NRM: variants seen among roughly 807,000 people sequenced by gnomAD.
NRM encodes nuclear rim protein.
Under a neutral mutation model 23.4 loss-of-function variants are expected in NRM, and 19 were observed. The ratio of observed to expected loss-of-function variants is 0.81; its 90% confidence interval spans 0.57 to 1.19. NRM has a LOEUF of 1.19. NRM is among the 50% of genes most tolerant of loss of function. The pLI, the probability that NRM is intolerant of heterozygous loss-of-function variation, is 0.00. For synonymous variants in NRM, 140 were observed against 143.5 expected (o/e 0.98, Z 0.17); for missense variants, 232 against 329.7 (o/e 0.70, Z 2.30).
In NRM at chr6:30,688,695, A is replaced by G; in HGVS notation, c.755T>C (p.Leu252Pro). The G allele has an allele frequency of 6.2e-7, 1 of 1,613,968 alleles. No individual in the cohort carries two copies. ...LRAQLQRKLH[L>P]LSRPQDGEAE is the part of the protein sequence containing the mutation. The stretch of plus-strand genomic sequence containing the variant: ...CTCCCCATCCTGGGGCCGAGAGAGC[A>G]GGTGGAGTTTTCTTTGTAGCTGGGC... Residue 252 changes from leucine (L) to proline (P), a missense_variant, in exon 4 of 4, where the codon CTG becomes CCG. Leu to Pro is a moderately conservative substitution (Grantham distance 98). Transcript: ENST00000376421. The surrounding 1 kb of genome is among the most constrained non-coding windows in gnomAD (Gnocchi z 5.9).
At position 30,688,436 on chromosome 6, in the gene NRM, C is replaced by A; in HGVS notation, c.*225G>T. 1.7e-6 allele frequency: 1 copy of A among 603,550 alleles called. No homozygotes were observed. The highest frequency in any genetic ancestry group is 2.0e-5 in the South Asian group (1 of 49,076). 37.4% of individuals were successfully genotyped at this position (603,550 alleles called of 1,614,324 possible). ...TGAAGGGACAGATGACTTCCATACCCCACTCTTCCTTGCTGGTGAGAAGTG... is the reference window on the plus strand; with the variant it reads ...TGAAGGGACAGATGACTTCCATACCACACTCTTCCTTGCTGGTGAGAAGTG... On this transcript the variant is annotated 3_prime_UTR_variant, in exon 4 of 4. Transcript: ENST00000376421. The surrounding 1 kb of genome is among the most constrained non-coding windows in gnomAD (Gnocchi z 5.9).
chr6:30,689,309 G>A lies in NRM; in HGVS notation c.474C>T (p.Val158=). ...SWLLIFSILL[V]FDYAELMGLK... is the part of the protein sequence containing the mutation. ...GGCCCATGAGCTCAGCATAGTCAAA[G>A]ACGAGAAGGATGCTAAAGATGAGGA... The change falls in exon 3 of 4, where the codon GTC becomes GTT. Residue 158 remains valine (V), a synonymous_variant. Coordinates refer to ENST00000376421, the MANE Select transcript of NRM (RefSeq NM_001384369.1). This position sits in a 1 kb window ranked among gnomAD's most constrained non-coding sequence, Gnocchi z 4.7. 2 of 1,554,830 alleles carry A rather than the reference G, an allele frequency of 1.3e-6. No homozygotes were observed. Among genetic ancestry groups the A allele is most frequent in the Non-Finnish European group, 1.7e-6 (2 of 1,148,620 alleles).
upstream of NRM, chr6:30,691,061 C>T: frequency 6.8e-7 from 1 of 1,480,576 alleles, no homozygotes; most frequent in Non-Finnish European, 9.1e-7. Flanking sequence ...CCGGCTGAAT[C>T]CAGCCCAGGA....
In NRM at chr6:30,689,511, C is replaced by G; in HGVS notation, c.331-59G>C. ...GCCTAGTCTGCCCGACCTTGGGAGA[C>G]CCAGACCCAGATCTGCCCCCACCAC... On this transcript the variant is annotated intron_variant, in intron 2 of 3. Coordinates refer to ENST00000376421, the MANE Select transcript of NRM (RefSeq NM_001384369.1). The surrounding 1 kb of genome is among the most constrained non-coding windows in gnomAD (Gnocchi z 4.7). 1 of 1,475,560 alleles carries G rather than the reference C, an allele frequency of 6.8e-7. No homozygotes were observed. Among genetic ancestry groups the G allele is most frequent in the Non-Finnish European group, 9.0e-7 (1 of 1,106,116 alleles). The allele number at this position is 1,475,560 out of a possible 1,614,324, so 91.4% of individuals were successfully genotyped here. A position where few individuals can be genotyped will look rare whatever the true frequency, so the allele number is the denominator to read the frequency against.
Position 30,688,613 on chromosome 6 carries a change from G to T in NRM, c.*48C>A, listed in dbSNP as rs1771198333. The T allele has an allele frequency of 1.9e-6, 3 of 1,584,960 alleles. No individual in the cohort carries two copies. The highest frequency in any genetic ancestry group is 2.6e-6 in the Non-Finnish European group (3 of 1,164,100). ...CCAGGGCCTGGATGTTAAGGATTTA[G>T]AATTCAGTGGGAGAGGAAGAACAGG... On this transcript the variant is annotated 3_prime_UTR_variant, in exon 4 of 4. Transcript: ENST00000376421. This position sits in a 1 kb window ranked among gnomAD's most constrained non-coding sequence, Gnocchi z 5.9.
In NRM at chr6:30,689,129, T is replaced by C. The variant is rs766563574; in HGVS notation, c.507+147A>G. On this transcript the variant is annotated intron_variant, in intron 3 of 3. Coordinates refer to ENST00000376421, the MANE Select transcript of NRM (RefSeq NM_001384369.1). This position sits in a 1 kb window ranked among gnomAD's most constrained non-coding sequence, Gnocchi z 4.7. ...CCAGGCCCAGGAGGCCCATGCTTGC[T>C]GCCCTTACGAGGGAAAGTCAAAGGG... is the stretch of plus-strand genomic sequence containing the variant. The C allele has an allele frequency of 1.9e-6, 2 of 1,067,596 alleles. No individual in the cohort carries two copies. The highest frequency in any genetic ancestry group is 2.6e-6 in the Non-Finnish European group (2 of 757,044). The allele number at this position is 1,067,596 out of a possible 1,614,324, so 66.1% of individuals were successfully genotyped here.
At position 30,690,428 on chromosome 6, in the gene NRM, T is replaced by G; in HGVS notation, c.134-185A>C. ...TAGTTTCTGCCCTCTTCCCTAGGCC[T>G]CCTGCAAACCTGGGGAAGAGGATTT... is the stretch of plus-strand genomic sequence containing the variant. On this transcript the variant is annotated intron_variant, in intron 1 of 3. Coordinates refer to ENST00000376421, the MANE Select transcript of NRM (RefSeq NM_001384369.1). The surrounding 1 kb of genome is among the most constrained non-coding windows in gnomAD (Gnocchi z 5.5). 8.7e-7 allele frequency: 1 copy of G among 1,148,068 alleles called. No homozygotes were observed. The allele number at this position is 1,148,068 out of a possible 1,614,324, so 71.1% of individuals were successfully genotyped here.
rs530922089 is a variant in NRM at position 30,688,318 on chromosome 6, G to A, written c.*343C>T. On this transcript the variant is annotated 3_prime_UTR_variant, in exon 4 of 4. Transcript: ENST00000376421. The surrounding 1 kb of genome is among the most constrained non-coding windows in gnomAD (Gnocchi z 5.9). ...CGGTGCAGAAGGGGACCCCTGAGGC[G>A]CAGAGGCAAGTAACAGTGCCAGGGG... 4.1e-4 allele frequency: 132 copies of A among 322,220 alleles called. No homozygotes were observed. The highest frequency in any genetic ancestry group is 1.7e-3 in the Middle Eastern group (2 of 1,148). The allele number at this position is 322,220 out of a possible 1,614,324, so 20.0% of individuals were successfully genotyped here. A position where few individuals can be genotyped will look rare whatever the true frequency, so the allele number is the denominator to read the frequency against.
Position 30,690,143 on chromosome 6 carries a change from G to T in NRM, c.234C>A (p.Ser78Arg), listed in dbSNP as rs1221064168. The change falls in exon 2 of 4, where the codon AGC (serine) becomes AGA (arginine). Residue 78 changes from serine (S) to arginine (R), a missense_variant. By Grantham distance (110) the Ser-to-Arg change is moderately radical (BLOSUM62 -1). Coordinates refer to ENST00000376421, the MANE Select transcript of NRM (RefSeq NM_001384369.1). The surrounding 1 kb of genome is among the most constrained non-coding windows in gnomAD (Gnocchi z 5.5). ...GLLLLFVGQH[S>R]LMAAERVKAW... ...CCTTCACTCTTTCAGCTGCCATGAGGCTGTGCTGCCCAACAAATAGAAGCA... is the reference window on the plus strand; with the variant it reads ...CCTTCACTCTTTCAGCTGCCATGAGTCTGTGCTGCCCAACAAATAGAAGCA... 2.5e-6 allele frequency: 4 copies of T among 1,612,782 alleles called. No individual in the cohort carries two copies. Among genetic ancestry groups the T allele is most frequent in the Admixed American group, 3.3e-5 (2 of 59,968 alleles).
Position 30,689,224 on chromosome 6 carries a change from G to A in NRM, c.507+52C>T, listed in dbSNP as rs376608952. 9 of 1,483,688 alleles carry A rather than the reference G, an allele frequency of 6.1e-6. No homozygotes were observed. The highest frequency in any genetic ancestry group is 3.8e-5 in the South Asian group (3 of 79,324). 91.9% of individuals were successfully genotyped at this position (1,483,688 alleles called of 1,614,324 possible). A position where few individuals can be genotyped will look rare whatever the true frequency, so the allele number is the denominator to read the frequency against. On this transcript the variant is annotated intron_variant, in intron 3 of 3. Coordinates refer to ENST00000376421, the MANE Select transcript of NRM (RefSeq NM_001384369.1). The surrounding 1 kb of genome is among the most constrained non-coding windows in gnomAD (Gnocchi z 4.7). ...AGGAGGGAAACCCTTGAAAGGGAAC[G>A]AGGAGTTCTAAAATGGGTCAGAGGT...
At position 30,690,071 on chromosome 6, in the gene NRM, C is replaced by G; in HGVS notation, c.306G>C (p.Val102=). ...YFGVLQRSLY[V]ACTALALQLV... ...CCTGCAAGGCCAGGGCAGTGCAGGC[C>G]ACATACAGTGACCTCTGAAGGACCC... is the stretch of plus-strand genomic sequence containing the variant. The change falls in exon 2 of 4, where the codon GTG becomes GTC. Residue 102 remains valine, a synonymous_variant. Coordinates refer to ENST00000376421, the MANE Select transcript of NRM (RefSeq NM_001384369.1). This position sits in a 1 kb window ranked among gnomAD's most constrained non-coding sequence, Gnocchi z 5.5. 6.2e-7 allele frequency: 1 copy of G among 1,612,102 alleles called. No homozygotes were observed. Among genetic ancestry groups the G allele is most frequent in the Non-Finnish European group, 8.5e-7 (1 of 1,179,704 alleles).
In NRM at chr6:30,688,615, A is replaced by G; in HGVS notation, c.*46T>C. The G allele has an allele frequency of 6.3e-7, 1 of 1,587,298 alleles. No homozygotes were observed. Among genetic ancestry groups the G allele is most frequent in the African/African-American group, 1.3e-5 (1 of 74,314 alleles). On this transcript the variant is annotated 3_prime_UTR_variant, in exon 4 of 4. Transcript: ENST00000376421. The surrounding 1 kb of genome is among the most constrained non-coding windows in gnomAD (Gnocchi z 5.9). ...AGGGCCTGGATGTTAAGGATTTAGA[A>G]TTCAGTGGGAGAGGAAGAACAGGGC...
In NRM at chr6:30,690,884, GGGA is replaced by G. The variant is rs754040433; in HGVS notation, c.88_90del (p.Ser30del). 9.3e-6 allele frequency: 15 copies of G among 1,612,970 alleles called. No individual in the cohort carries two copies. Among genetic ancestry groups the G allele is most frequent in the African/African-American group, 1.3e-5 (1 of 74,924 alleles). On this transcript the variant is annotated inframe_deletion, in exon 1 of 4. Coordinates refer to ENST00000376421, the MANE Select transcript of NRM (RefSeq NM_001384369.1). The surrounding 1 kb of genome is among the most constrained non-coding windows in gnomAD (Gnocchi z 5.5). ...GGGATCCCTCCAAGAAGTGGCCGAA[GGGA>G]GGTAAAGCGCACGAACTCCACTCCG...
rs762352891 is a variant in NRM at position 30,688,722 on chromosome 6, C to G, written c.728G>C (p.Arg243Pro). The G allele has an allele frequency of 3.1e-6, 5 of 1,613,764 alleles. No homozygotes were observed. The highest frequency in any genetic ancestry group is 1.3e-5 in the African/African-American group (1 of 74,790). ...GTGGAGTTTTCTTTGTAGCTGGGCC[C>G]GGAGGTAGCGGAGGTCTTGCTGATC... ...GLDQQDLRYL[R>P]AQLQRKLHLL... Residue 243 changes from arginine to proline, a missense_variant, in exon 4 of 4, where the codon CGG (arginine) becomes CCG (proline). By Grantham distance (103) the Arg-to-Pro change is moderately radical. Transcript: ENST00000376421. The surrounding 1 kb of genome is among the most constrained non-coding windows in gnomAD (Gnocchi z 5.9).
rs753275899 is a variant in NRM at position 30,690,791 on chromosome 6, C to T, written c.133+51G>A. The T allele has an allele frequency of 3.1e-6, 5 of 1,612,752 alleles. No individual in the cohort carries two copies. In the African/African-American group the frequency reaches 5.3e-5, roughly 17 times the overall value. On this transcript the variant is annotated intron_variant, in intron 1 of 3. Transcript: ENST00000376421. The surrounding 1 kb of genome is among the most constrained non-coding windows in gnomAD (Gnocchi z 5.5). ...CCAAGCCCCGCCCTCAATCCCTCTC[C>T]TACGGCTCCACCTTCCTCCTCCCAG...
rs201876063 is a variant in NRM, at chr6:30,688,879, G to A, written c.571C>T (p.Leu191Phe). 110 of 1,613,950 alleles carry A rather than the reference G, an allele frequency of 6.8e-5. No individual in the cohort carries two copies. The East Asian group carries it at 2.4e-3, about 35-fold the overall frequency. The change falls in exon 4 of 4, where the codon CTC becomes TTC. Residue 191 changes from leucine (L) to phenylalanine (F), a missense_variant. Leu to Phe is a conservative substitution (Grantham distance 22). Transcript: ENST00000376421. This position sits in a 1 kb window ranked among gnomAD's most constrained non-coding sequence, Gnocchi z 5.9. Reference protein sequence around the residue: ...LALKSPRALRLFSHLRHPVCV... With the variant: ...LALKSPRALRFFSHLRHPVCV... ...ACTGGGTGGCGCAGGTGGGAGAAGA[G>A]TCTGAGAGCCCGGGGAGACTTCAGG...
In NRM at chr6:30,689,327, G is replaced by A. The variant is rs775576669; in HGVS notation, c.456C>T (p.Ile152=). The A allele has an allele frequency of 2.1e-5, 32 of 1,555,870 alleles. No homozygotes were observed. Among genetic ancestry groups the A allele is most frequent in the Non-Finnish European group, 2.6e-5 (30 of 1,149,256 alleles). ...AGTCAAAGACGAGAAGGATGCTAAA[G>A]ATGAGGAGCCAGGAGATGACATGGA... ...FVLHVISWLL[I]FSILLVFDYA... is the part of the protein sequence containing the mutation. Residue 152 remains isoleucine (I), a synonymous_variant, in exon 3 of 4, where the codon ATC becomes ATT. Transcript: ENST00000376421. The surrounding 1 kb of genome is among the most constrained non-coding windows in gnomAD (Gnocchi z 4.7).
At position 30,690,731 on chromosome 6, in the gene NRM, A is replaced by G. The variant is rs114089471; in HGVS notation, c.133+111T>C. The G allele has an allele frequency of 6.2e-7, 1 of 1,610,960 alleles. No individual in the cohort carries two copies. The highest frequency in any genetic ancestry group is 8.5e-7 in the Non-Finnish European group (1 of 1,179,286). ...GCTTCTCGGCCGCTTTCAAGGTTCGAGTTCCCTCTCTTGGACTTCCCCTGT... is the reference window on the plus strand; with the variant it reads ...GCTTCTCGGCCGCTTTCAAGGTTCGGGTTCCCTCTCTTGGACTTCCCCTGT... On this transcript the variant is annotated intron_variant, in intron 1 of 3. Coordinates refer to ENST00000376421, the MANE Select transcript of NRM (RefSeq NM_001384369.1). The surrounding 1 kb of genome is among the most constrained non-coding windows in gnomAD (Gnocchi z 5.5).
At chr6:30,691,156 G>A (rs1046494721), upstream of NRM, 1 of 606,884 alleles carries the variant, frequency 1.6e-6, no homozygotes, top group Admixed American at 3.1e-5. Flanking sequence ...GTCCTGGGAT[G>A]CGTGTCCCGG....
Sources: allele counts gnomAD v4.1 joint callset, GRCh38; gene constraint gnomAD v4.1.1; non-coding constraint Gnocchi (gnomAD v3.1); transcripts MANE v1.5; gene names NCBI Gene and HGNC (gene_info 2026-07-23, HGNC 2026-07-21).